Variants in STK3 observed in about 807,000 individuals in gnomAD.
The protein encoded by STK3 is serine/threonine-protein kinase 3.
STK3 carries 41 observed loss-of-function variants against 58.0 expected under a neutral mutation model. The ratio of observed to expected loss-of-function variants is 0.71; its 90% CI spans 0.55 to 0.92. The LOEUF (loss-of-function observed/expected upper bound fraction) is 0.92. STK3 is among the 40% of genes least tolerant of loss of function. The probability of loss-of-function intolerance (pLI) is 0.00; values close to 1 mark genes in which losing one functional copy is unlikely to be tolerated. For missense variants in STK3, 479 were observed against 602.7 expected, an observed-to-expected ratio of 0.79 and a Z score of 2.15; for synonymous variants, 170 against 191.0, an observed-to-expected ratio of 0.89 and a Z score of 0.91.
At chr8:98,485,241 C>CAAA (rs34109020) in intron 10 of STK3, among the ~76,000 whole-genome samples, 2 of 147,014 alleles carry the variant, frequency 1.4e-5, no homozygotes, top group African/African-American at 2.5e-5. Context: ...AACTGCGTCT[C>CAAA]AAAAAAAAAA....
rs933053301 is a variant in STK3, at chr8:98,374,247, T to C, written n.112-2569A>G. Among the ~76,000 whole-genome samples the C allele has an allele frequency of 1.7e-4, 26 of 152,212 alleles. 1 individual carries two copies. Among genetic ancestry groups the C allele is most frequent in the Admixed American group, 1.6e-3 (24 of 15,288 alleles). ...GGAGAAGCATGGCAGAGATGCAGGC[T>C]GTCTGGTCTGAACAACTGAGGGGTG... On this transcript the variant is annotated intron_variant and non_coding_transcript_variant, in intron 2 of 2. Coordinates refer to the STK3 transcript ENST00000518704.
chr8:98,795,854 TACA>T (rs1833136580), intron 1 of STK3, among the ~76,000 whole-genome samples: 1 of 145,570 alleles, frequency 6.9e-6, no homozygotes, highest in African/African-American at 2.7e-5. Context: ...TACAATACAA[TACA>T]ATACAATACC....
At chr8:98,875,925 T>C (rs1837546084) in intron 3 of STK3, among the ~76,000 whole-genome samples, 1 of 152,196 alleles carries the variant, frequency 6.6e-6, no homozygotes. Context: ...AGAGCCTTTA[T>C]TTCTCAGGCC....
At chr8:98,353,179 T>C in the STK3 span, among the ~76,000 whole-genome samples, 1 of 152,160 alleles carries the variant, frequency 6.6e-6, no homozygotes, top group Non-Finnish European at 1.5e-5. Context: ...GCATAAGGTG[T>C]ATATGAAACA....
intron 6 of STK3, chr8:98,602,264 GGTAT>G (rs1241402194): frequency 6.6e-6 from 1 of 152,182 alleles, no homozygotes; most frequent in Admixed American, 6.5e-5. Flanking sequence ...CCAACGTGAT[GGTAT>G]TAGAAGGTGG....
At position 98,708,065 on chromosome 8, in the gene STK3, G is replaced by C. The variant is rs537125241; in HGVS notation, c.352-754C>G. 1.2e-3 allele frequency among the ~76,000 whole-genome samples: 189 copies of C among 151,960 alleles called. 2 individuals carry two copies. The highest frequency in any genetic ancestry group is 1.8e-3 in the Non-Finnish European group (125 of 67,950). Reference sequence around the variant, plus strand: ...GAGGCAGGAGAGTCACTTGAACCTGGGAGGCAGAGGTTGCAGTGAGCTGAG... The same window carrying C: ...GAGGCAGGAGAGTCACTTGAACCTGCGAGGCAGAGGTTGCAGTGAGCTGAG... On this transcript the variant is annotated intron_variant, in intron 4 of 10. Transcript: ENST00000419617.
chr8:98,559,946 G>C (rs1344782055), intron 8 of STK3, among the ~76,000 whole-genome samples: 3 of 152,018 alleles, frequency 2.0e-5, no homozygotes, highest in African/African-American at 7.2e-5. Flanking sequence ...AGCAGAGAAG[G>C]GGCCTTTTGA....
chr8:98,722,214 G>A (rs1827483124), intron 4 of STK3, among the ~76,000 whole-genome samples: 1 of 152,054 alleles, frequency 6.6e-6, no homozygotes, highest in Non-Finnish European at 1.5e-5. Flanking sequence ...ACCAAGTAAG[G>A]CCCAGTTTTC....
chr8:98,546,490 A>T (rs181520467), intron 9 of STK3, among the ~76,000 whole-genome samples: 2 of 152,306 alleles, frequency 1.3e-5, no homozygotes, highest in East Asian at 3.9e-4. Context: ...AAAGCACTCA[A>T]TGATCTAATT....
downstream of STK3, among the ~76,000 whole-genome samples, chr8:98,454,128 C>T (rs898207121): frequency 6.6e-6 from 1 of 152,124 alleles, no homozygotes; most frequent in African/African-American, 2.4e-5. Context: ...ACCTAGGGTA[C>T]AAATACCATT....
chr8:98,700,498 G>A (rs1206996151), intron 6 of STK3, among the ~76,000 whole-genome samples: 14 of 152,030 alleles, frequency 9.2e-5, no homozygotes, highest in Non-Finnish European at 1.3e-4. Context: ...GTTCCTATTC[G>A]GCCATCTTGG....
intron 1 of STK3, among the ~76,000 whole-genome samples, chr8:98,442,660 A>G (rs1239192435): frequency 2.0e-5 from 3 of 152,132 alleles, no homozygotes; most frequent in Non-Finnish European, 4.4e-5. Context: ...CATTTCCACT[A>G]TCTCTGTGTG....
At chr8:98,468,043 A>G (rs764982634) in intron 10 of STK3, among the ~76,000 whole-genome samples, 10 of 152,230 alleles carry the variant, frequency 6.6e-5, no homozygotes, top group Non-Finnish European at 1.2e-4. Context: ...GTAATAGATA[A>G]TTTTTAATAG....
At chr8:98,426,614 A>G (rs1276638624) in intron 3 of STK3, among the ~76,000 whole-genome samples, 1 of 151,928 alleles carries the variant, frequency 6.6e-6, no homozygotes, top group Non-Finnish European at 1.5e-5. Flanking sequence ...GCTTCGGGAA[A>G]CTTTTCTTCA....
Position 98,800,782 on chromosome 8 carries a change from C to G in STK3, c.26+24733G>C, listed in dbSNP as rs573781799. 6.6e-6 allele frequency among the ~76,000 whole-genome samples: 1 copy of G among 152,216 alleles called. No individual in the cohort carries two copies. The highest frequency in any genetic ancestry group is 2.4e-5 in the African/African-American group (1 of 41,460). ...GGTACCCCAGCACTGCCGGCCCTCC[C>G]GCGCTGAGCTCGAATTCTTGCCAGG... On this transcript the variant is annotated intron_variant, in intron 1 of 10. Transcript: ENST00000419617. This position sits in a 1 kb window ranked among gnomAD's most constrained non-coding sequence, Gnocchi z 4.8.
chr8:98,519,933 CT>C (rs1433966268), intron 10 of STK3, among the ~76,000 whole-genome samples: 1 of 152,072 alleles, frequency 6.6e-6, no homozygotes, highest in Non-Finnish European at 1.5e-5. Flanking sequence ...CAATTTCTTT[CT>C]TTTTTAAAAT....
intron 4 of STK3, among the ~76,000 whole-genome samples, chr8:98,736,322 A>G (rs891854331): frequency 1.3e-5 from 2 of 152,148 alleles, no homozygotes; most frequent in Non-Finnish European, 2.9e-5. Context: ...GATAACACTA[A>G]AAGAAGTGCA....
At chr8:98,469,924 G>A (rs984221677) in intron 10 of STK3, among the ~76,000 whole-genome samples, 1 of 152,136 alleles carries the variant, frequency 6.6e-6, no homozygotes, top group Non-Finnish European at 1.5e-5. Flanking sequence ...GTTATTCAAG[G>A]AAGAGCTTAT....
At position 98,747,410 on chromosome 8, in the gene STK3, CT is replaced by C. The variant is rs528983175; in HGVS notation, c.351+1865del. 2.8e-3 allele frequency among the ~76,000 whole-genome samples: 421 copies of C among 152,156 alleles called. 4 individuals are homozygous for C. Among genetic ancestry groups the C allele is most frequent in the African/African-American group, 9.7e-3 (402 of 41,544 alleles). ...TGTTTCATGACCATGAAAACAATTACTAGAGTGAGTTTTACACCTGTTTAAT... is the reference window on the plus strand; with the variant it reads ...TGTTTCATGACCATGAAAACAATTACAGAGTGAGTTTTACACCTGTTTAAT... On this transcript the variant is annotated intron_variant, in intron 4 of 10. Transcript: ENST00000419617.
Sources: allele counts gnomAD v4.1 joint callset (sites outside exome capture counted in the v4.1 genomes callset), GRCh38; gene constraint gnomAD v4.1.1; non-coding constraint Gnocchi (gnomAD v3.1); transcripts MANE v1.5; gene names NCBI Gene and HGNC (gene_info 2026-07-23, HGNC 2026-07-21).